Variants in NUAK1 observed in about 807,000 individuals in gnomAD.
NUAK1 encodes NUAK family SNF1-like kinase 1.
NUAK1 carries 26 observed loss-of-function variants against 56.9 expected under a neutral mutation model. The observed-to-expected ratio is 0.46, with a 90% confidence interval of 0.33 to 0.63. The LOEUF is 0.63. Ranked by LOEUF, NUAK1 falls within the 30% of genes least tolerant of loss-of-function variation. The pLI is 0.02. For synonymous variants in NUAK1, 337 were observed against 336.0 expected (o/e 1.00, Z -0.03); for missense variants, 727 against 876.1 (o/e 0.83, Z 2.15).
chr12:106,086,523 G>A (rs964697482), intron 3 of NUAK1, among the ~76,000 whole-genome samples: 1 of 152,106 alleles, frequency 6.6e-6, no homozygotes, highest in Non-Finnish European at 1.5e-5. Flanking sequence ...AGAAGGAGGA[G>A]GAAGAAGACT....
chr12:106,095,909 G>A (rs2032691800), intron 2 of NUAK1, among the ~76,000 whole-genome samples: 1 of 152,172 alleles, frequency 6.6e-6, no homozygotes. Flanking sequence ...AGAGGCACCT[G>A]CTGTCAGAAG....
chr12:106,091,852 T>C (rs2032638590), intron 2 of NUAK1, among the ~76,000 whole-genome samples: 7 of 152,152 alleles, frequency 4.6e-5, no homozygotes. Context: ...AAACATTTAT[T>C]CCTCACAATA....
At chr12:106,108,081 G>A (rs1430953126) in intron 1 of NUAK1, among the ~76,000 whole-genome samples, 2 of 152,048 alleles carry the variant, frequency 1.3e-5, no homozygotes, top group Non-Finnish European at 2.9e-5. Context: ...GAAAGATGAA[G>A]GGAAGGAGGA....
intron 1 of NUAK1, among the ~76,000 whole-genome samples, chr12:106,126,639 A>C (rs2033027554): frequency 6.6e-6 from 1 of 152,254 alleles, no homozygotes; most frequent in Non-Finnish European, 1.5e-5. Flanking sequence ...TCAAGGATGA[A>C]ATAGTAGTAA....
rs761379462 is a variant in NUAK1 at position 106,106,379 on chromosome 12, G to T, written c.361+26C>A. 13 of 1,520,852 alleles carry T rather than the reference G, an allele frequency of 8.5e-6. No individual in the cohort carries two copies. In the East Asian group the frequency reaches 3.0e-4, roughly 36 times the overall value. 94.2% of individuals were successfully genotyped at this position (1,520,852 alleles called of 1,614,324 possible). ...TATGAGAAATGGTAACTGATATGGG[G>T]GTTAAAAAAAAAAAAAATCACTGAC... is the stretch of plus-strand genomic sequence containing the variant. On this transcript the variant is annotated intron_variant, in intron 2 of 6. Transcript: ENST00000261402.
At chr12:106,125,864 C>T (rs1440623613) in intron 1 of NUAK1, among the ~76,000 whole-genome samples, 3 of 152,048 alleles carry the variant, frequency 2.0e-5, no homozygotes, top group Admixed American at 6.6e-5. Context: ...CAGGCAAACA[C>T]GTTCACGGCT....
chr12:106,102,658 T>A (rs1272299877), intron 2 of NUAK1, among the ~76,000 whole-genome samples: 1 of 152,160 alleles, frequency 6.6e-6, no homozygotes, highest in African/African-American at 2.4e-5. Flanking sequence ...AATAATTATC[T>A]TTTTTGAGCT....
chr12:106,118,550 C>T (rs1178675336), intron 1 of NUAK1, among the ~76,000 whole-genome samples: 1 of 152,172 alleles, frequency 6.6e-6, no homozygotes, highest in Non-Finnish European at 1.5e-5. Flanking sequence ...TTTGAATGTG[C>T]GGCTAAGCAA....
At chr12:106,119,943 G>A (rs1592861350) in intron 1 of NUAK1, among the ~76,000 whole-genome samples, 1 of 151,998 alleles carries the variant, frequency 6.6e-6, no homozygotes, top group African/African-American at 2.4e-5. Context: ...CAATGTTTAA[G>A]AGGATTGGCT....
rs184360140 is a variant in NUAK1 at position 106,133,421 on chromosome 12, A to T, written c.240+4993T>A. ...CACCATTAGCAAAGAACCACACCCA[A>T]ATCCAGAGGTCACCAGCTGTGCAAC... On this transcript the variant is annotated intron_variant, in intron 1 of 6. Transcript: ENST00000261402. 1.6e-4 allele frequency among the ~76,000 whole-genome samples: 24 copies of T among 152,286 alleles called. 1 individual carries two copies. The East Asian group carries it at 4.4e-3, about 28-fold the overall frequency.
chr12:106,106,552 T>C (rs754855962), intron 1 of NUAK1, 27 bp from the exon 2 acceptor site: 2 of 1,606,054 alleles, frequency 1.2e-6, no homozygotes, highest in African/African-American at 1.3e-5. Flanking sequence ...TGAAATGTTA[T>C]TCAGAGAGCT....
intron 2 of NUAK1, among the ~76,000 whole-genome samples, chr12:106,096,857 TC>T (rs1273445013): frequency 6.6e-6 from 1 of 152,216 alleles, no homozygotes; most frequent in Non-Finnish European, 1.5e-5. Flanking sequence ...CTCAGCCTGG[TC>T]AATTAAACTG....
At chr12:106,096,562 A>G (rs1483933771) in intron 2 of NUAK1, among the ~76,000 whole-genome samples, 4 of 152,186 alleles carry the variant, frequency 2.6e-5, no homozygotes, top group Non-Finnish European at 5.9e-5. Context: ...AGTGTGTTAA[A>G]ATGCTCAACT....
intron 4 of NUAK1, among the ~76,000 whole-genome samples, chr12:106,079,709 C>T (rs2032497527): frequency 1.3e-5 from 2 of 152,240 alleles, no homozygotes. Context: ...GGATTTTCTT[C>T]ACTGCCAGCC....
At chr12:106,111,419 T>C (rs2032858291) in intron 1 of NUAK1, among the ~76,000 whole-genome samples, 1 of 151,538 alleles carries the variant, frequency 6.6e-6, no homozygotes, top group Non-Finnish European at 1.5e-5. Flanking sequence ...AGGACCAGCC[T>C]TGGGGGCGTG....
chr12:106,124,378 T>G (rs1027633870), intron 1 of NUAK1, among the ~76,000 whole-genome samples: 1 of 152,196 alleles, frequency 6.6e-6, no homozygotes, highest in African/African-American at 2.4e-5. Flanking sequence ...GGGATCTCAT[T>G]AGCAGAGGAG....
At chr12:106,082,760 T>C (rs773474946) in intron 4 of NUAK1, among the ~76,000 whole-genome samples, 9 of 152,108 alleles carry the variant, frequency 5.9e-5, no homozygotes, top group Non-Finnish European at 1.0e-4. Flanking sequence ...GCTGCCATGA[T>C]CTGTACAGAG....
chr12:106,137,618 T>C (rs969024371), intron 1 of NUAK1, among the ~76,000 whole-genome samples: 11 of 152,178 alleles, frequency 7.2e-5, no homozygotes, highest in Non-Finnish European at 1.3e-4. Context: ...CTTGGAGCTG[T>C]GCAAATGGTG....
chr12:106,069,135 G>A (rs191842382), intron 6 of NUAK1, among the ~76,000 whole-genome samples: 172 of 152,270 alleles, frequency 1.1e-3, no homozygotes, highest in African/African-American at 4.0e-3. Context: ...TATCCATAGA[G>A]TCTGTATTTG....
Sources: gnomAD v4.1 joint callset for allele counts (sites outside exome capture counted in the v4.1 genomes callset) on GRCh38, gnomAD v4.1.1 for gene constraint, MANE v1.5 for transcripts, NCBI Gene and HGNC (gene_info 2026-07-23, HGNC 2026-07-21) for gene names.